Variants in EIF2AK2 observed in about 807,000 individuals in gnomAD.
The protein encoded by EIF2AK2 is interferon-induced, double-stranded RNA-activated protein kinase.
In EIF2AK2, 40 loss-of-function variants were observed where a neutral mutation model predicts 70.5. The ratio of observed to expected loss-of-function variants is 0.57; its 90% CI spans 0.44 to 0.74. The LOEUF (loss-of-function observed/expected upper bound fraction) is 0.74. Among genes scored for constraint, EIF2AK2 ranks in the 30% least tolerant of loss-of-function variants. The pLI is 0.00. For missense variants in EIF2AK2, 555 were observed against 644.3 expected (o/e 0.86, Z 1.50); for synonymous variants, 198 against 220.9 (o/e 0.90, Z 0.92).
intron 7 of EIF2AK2, 53 bp downstream of exon 7, chr2:37,138,452 GTCTT>G (rs1303948782): frequency 6.2e-7 from 1 of 1,603,266 alleles, no homozygotes; most frequent in Non-Finnish European, 8.5e-7. Context: ...ATAAAAATCT[GTCTT>G]TCAGACAGAA....
intron 14 of EIF2AK2, among the ~76,000 whole-genome samples, chr2:37,109,973 T>C (rs1019576589): frequency 1.3e-5 from 2 of 152,170 alleles, no homozygotes; most frequent in African/African-American, 2.4e-5. Context: ...TATATCTTTA[T>C]AGTCTTATAA....
intron 10 of EIF2AK2, among the ~76,000 whole-genome samples, chr2:37,128,469 A>G (rs985029827): frequency 6.6e-6 from 1 of 152,192 alleles, no homozygotes; most frequent in Non-Finnish European, 1.5e-5. Flanking sequence ...CATCACAAAG[A>G]TCTACAATTA....
intron 5 of EIF2AK2, among the ~76,000 whole-genome samples, chr2:37,140,297 A>G (rs965019145): frequency 3.3e-5 from 5 of 152,206 alleles, no homozygotes; most frequent in East Asian, 3.8e-4. Flanking sequence ...TCCCTATACT[A>G]AAGTCCACAC....
chr2:37,120,794 C>T (rs1325443283), intron 12 of EIF2AK2, among the ~76,000 whole-genome samples: 3 of 148,940 alleles, frequency 2.0e-5, no homozygotes, highest in Non-Finnish European at 3.0e-5. Flanking sequence ...GAAACCCCAT[C>T]TCTACTAAAA....
Position 37,107,385 on chromosome 2 carries a change from A to G in EIF2AK2, c.1544T>C (p.Leu515Pro). ...AGGTTTCTTTGAGAGTAATTTCTGT[A>G]GAAGAGTTTTCTGCAATGACAGTGA... is the stretch of plus-strand genomic sequence containing the variant. ...DIFDKKEKTLLQKLLSKKPED... is the reference protein window; with the variant it reads ...DIFDKKEKTLPQKLLSKKPED... The change falls in exon 17 of 17, where the codon CTA (leucine) becomes CCA (proline). Residue 515 changes from leucine (L) to proline (P), a missense_variant. Coordinates refer to ENST00000233057, the MANE Select transcript of EIF2AK2 (RefSeq NM_001135651.3). 1 of 1,613,630 alleles carries G rather than the reference A, an allele frequency of 6.2e-7. No individual in the cohort carries two copies. The highest frequency in any genetic ancestry group is 8.5e-7 in the Non-Finnish European group (1 of 1,179,920).
chr2:37,113,256 G>A (rs1285023386), intron 14 of EIF2AK2, among the ~76,000 whole-genome samples: 3 of 152,088 alleles, frequency 2.0e-5, no homozygotes, highest in Non-Finnish European at 4.4e-5. Flanking sequence ...AGCACTTTGG[G>A]AGGCCAAGGT....
intron 12 of EIF2AK2, among the ~76,000 whole-genome samples, chr2:37,122,283 A>T (rs1281799641): frequency 3.3e-5 from 5 of 152,224 alleles, no homozygotes; most frequent in Admixed American, 1.3e-4. Context: ...CAGACAGCTG[A>T]GGATGTAACA....
At chr2:37,134,753 G>C (rs997699532) in intron 10 of EIF2AK2, among the ~76,000 whole-genome samples, 1 of 152,172 alleles carries the variant, frequency 6.6e-6, no homozygotes, top group African/African-American at 2.4e-5. Flanking sequence ...TTATGACAAA[G>C]GCTTATTTTT....
At chr2:37,118,442 G>A (rs1674422663) in intron 13 of EIF2AK2, among the ~76,000 whole-genome samples, 1 of 152,234 alleles carries the variant, frequency 6.6e-6, no homozygotes, top group Non-Finnish European at 1.5e-5. Context: ...GGCACACACG[G>A]TGTGGGGCAT....
rs73924980 is a variant in EIF2AK2, at chr2:37,134,590, G to A, written c.785+894C>T. ...CAATGCAATGGTGCAACATCAAATC[G>A]TATTAAATGTGTAAAAAATAACTCT... On this transcript the variant is annotated intron_variant, in intron 10 of 16. Coordinates refer to ENST00000233057, the MANE Select transcript of EIF2AK2 (RefSeq NM_001135651.3). 1.6e-3 allele frequency among the ~76,000 whole-genome samples: 250 copies of A among 152,254 alleles called. 1 individual carries two copies. The highest frequency in any genetic ancestry group is 5.6e-3 in the African/African-American group (234 of 41,564).
chr2:37,150,402 T>C (rs1242350155), intron 1 of EIF2AK2, among the ~76,000 whole-genome samples: 1 of 152,184 alleles, frequency 6.6e-6, no homozygotes, highest in East Asian at 1.9e-4. Context: ...TGTTTTAAAT[T>C]ACAGTGTACT....
chr2:37,111,873 AAAAAAAT>A (rs1330695518), intron 14 of EIF2AK2, among the ~76,000 whole-genome samples: 3 of 42,674 alleles, frequency 7.0e-5, no homozygotes, highest in African/African-American at 2.2e-4. Flanking sequence ...AAAAAAAAAA[AAAAAAAT>A]ATATATATAT....
rs1169968713 is a variant in EIF2AK2, at chr2:37,102,488, T to G, written c.*4785A>C. 6.6e-6 allele frequency: 1 copy of G among 152,082 alleles called. No homozygotes were observed. Among genetic ancestry groups the G allele is most frequent in the East Asian group, 1.9e-4 (1 of 5,196 alleles). 9.4% of individuals were successfully genotyped at this position (152,082 alleles called of 1,614,324 possible). ...ATTATGGTGAACACTCAGTGGGGACTGCATATTGTGAGTTATGTCTCTAGT... is the reference window on the plus strand; with the variant it reads ...ATTATGGTGAACACTCAGTGGGGACGGCATATTGTGAGTTATGTCTCTAGT... On this transcript the variant is annotated 3_prime_UTR_variant, in exon 17 of 17. Transcript: ENST00000233057.
rs895797565 is a variant in EIF2AK2 at position 37,146,933 on chromosome 2, C to T, written c.160G>A (p.Glu54Lys). Residue 54 changes from glutamate (E) to lysine (K), a missense_variant, in exon 4 of 17, where the codon GAA (glutamate) becomes AAA (lysine). By Grantham distance (56) the Glu-to-Lys change is moderately conservative. Around this residue, in one of 3 missense-constraint regions of EIF2AK2, gnomAD observed 48 missense variants for 77.1 expected, o/e 0.62. Transcript: ENST00000233057. ...TCCTTCTTTGATCTACCTTCACCTT[C>T]TGGAAATTCTCTTCCATCTATTATA... ...QVIIDGREFP[E>K]GEGRSKKEAK... is the part of the protein sequence containing the mutation. 3.1e-6 allele frequency: 5 copies of T among 1,613,310 alleles called. No homozygotes were observed. Among genetic ancestry groups the T allele is most frequent in the Non-Finnish European group, 4.2e-6 (5 of 1,179,746 alleles).
At position 37,114,731 on chromosome 2, in the gene EIF2AK2, C is replaced by T. The variant is rs1194420077; in HGVS notation, c.1377G>A (p.Gln459=). 1 of 1,550,972 alleles carries T rather than the reference C, an allele frequency of 6.4e-7. No individual in the cohort carries two copies. The highest frequency in any genetic ancestry group is 2.3e-5 in the East Asian group (1 of 42,802). The part of the protein sequence containing the change: ...KGTLRYMSPE[Q]ISSQDYGKEV... The stretch of plus-strand genomic sequence containing the variant: ...TAGACAGACAGGAAAGAGACCTTAC[C>T]TGTTCTGGGCTCATGTATCGCAAAG... Residue 459 remains glutamine, a splice_region_variant and synonymous_variant, in exon 14 of 17, where the codon CAG becomes CAA. Coordinates refer to ENST00000233057, the MANE Select transcript of EIF2AK2 (RefSeq NM_001135651.3).
In EIF2AK2 at chr2:37,126,275, C is replaced by T; in HGVS notation, c.908+14G>A. On this transcript the variant is annotated intron_variant, in intron 11 of 16. Transcript: ENST00000233057. ...ACCTTGCCATTCAAAAAAATGTAAA[C>T]ATTTACTACTTACTCGTTATTATAT... is the stretch of plus-strand genomic sequence containing the variant. 1.3e-6 allele frequency: 2 copies of T among 1,570,582 alleles called. No individual in the cohort carries two copies.
intron 14 of EIF2AK2, among the ~76,000 whole-genome samples, chr2:37,114,328 AT>A (rs1268345290): frequency 1.3e-5 from 2 of 152,126 alleles, no homozygotes; most frequent in African/African-American, 4.8e-5. Context: ...ACAACAAAAA[AT>A]ATTAAATTTA....
At chr2:37,141,506 T>C (rs1475836311) in intron 5 of EIF2AK2, 47 bp downstream of exon 5, 5 of 1,584,964 alleles carry the variant, frequency 3.2e-6, no homozygotes, top group East Asian at 2.3e-5. Context: ...ACCAACTTTA[T>C]TGCTTAAATA....
In EIF2AK2 at chr2:37,141,420, T is replaced by G. The variant is rs550033616; in HGVS notation, c.389+133A>C. On this transcript the variant is annotated intron_variant, in intron 5 of 16. Coordinates refer to ENST00000233057, the MANE Select transcript of EIF2AK2 (RefSeq NM_001135651.3). Reference sequence around the variant, plus strand: ...AATTACAAATTATAAATCCAATTACTTATCAATCATGTAAAACCTTGCATA... The same window carrying G: ...AATTACAAATTATAAATCCAATTACGTATCAATCATGTAAAACCTTGCATA... The G allele has an allele frequency of 2.8e-6, 3 of 1,079,092 alleles. No individual in the cohort carries two copies. The African/African-American group carries it at 4.8e-5, about 17-fold the overall frequency. 66.8% of individuals were successfully genotyped at this position (1,079,092 alleles called of 1,614,324 possible). A position where few individuals can be genotyped will look rare whatever the true frequency, so the allele number is the denominator to read the frequency against.
Sources: gnomAD v4.1 joint callset for allele counts (sites outside exome capture counted in the v4.1 genomes callset) on GRCh38, gnomAD v4.1.1 for gene constraint, gnomAD v4.1.1 regional missense constraint, MANE v1.5 for transcripts, NCBI Gene and HGNC (gene_info 2026-07-23, HGNC 2026-07-21) for gene names.